TRAPPC9: variants seen among roughly 807,000 people sequenced by gnomAD.
The protein encoded by TRAPPC9 is trafficking protein particle complex subunit 9.
Under a neutral mutation model 124.0 loss-of-function variants are expected in TRAPPC9, and 83 were observed. The observed-to-expected ratio is 0.67, with a 90% CI of 0.56 to 0.80. The LOEUF (loss-of-function observed/expected upper bound fraction) is 0.80, where lower values mean the gene tolerates loss of function less well. Among genes scored for constraint, TRAPPC9 ranks in the 30% least tolerant of loss-of-function variants. TRAPPC9 has a pLI of 0.00. For missense variants in TRAPPC9, 1,302 were observed against 1,508.3 expected (o/e 0.86, Z 2.27); for synonymous variants, 638 against 617.5 (o/e 1.03, Z -0.49).
intron 20 of TRAPPC9, among the ~76,000 whole-genome samples, chr8:139,902,127 C>G (rs2131225621): frequency 6.6e-6 from 1 of 152,334 alleles, no homozygotes; most frequent in South Asian, 2.1e-4. Context: ...TGTGCACGTT[C>G]ACACACACAT....
At chr8:139,980,250 C>G (rs950843633) in intron 19 of TRAPPC9, among the ~76,000 whole-genome samples, 2 of 152,182 alleles carry the variant, frequency 1.3e-5, no homozygotes, top group Non-Finnish European at 2.9e-5. Flanking sequence ...TGTTACACCT[C>G]GGACACAGTT....
rs545264936 is a variant in TRAPPC9 at position 139,978,226 on chromosome 8, C to T, written c.2810+10500G>A. 2.0e-5 allele frequency among the ~76,000 whole-genome samples: 3 copies of T among 152,176 alleles called. No homozygotes were observed. In the East Asian group the frequency reaches 5.8e-4, roughly 30 times the overall value. On this transcript the variant is annotated intron_variant, in intron 19 of 22. Transcript: ENST00000438773. ...CAGGCACACAACCGGCAGAACCCCA[C>T]CCTGGGACCTTTTTAACGAAATGCA...
intron 21 of TRAPPC9, among the ~76,000 whole-genome samples, chr8:139,831,940 C>T (rs550633520): frequency 1.3e-4 from 20 of 152,342 alleles, no homozygotes; most frequent in African/African-American, 4.1e-4. Flanking sequence ...GTCCTGGCTA[C>T]GTTTCAGAGT....
At chr8:139,895,965 G>A (rs1422236532) in intron 20 of TRAPPC9, among the ~76,000 whole-genome samples, 2 of 152,228 alleles carry the variant, frequency 1.3e-5, no homozygotes, top group Non-Finnish European at 2.9e-5. Context: ...GATTAGTCTG[G>A]GGAGCAAGTC....
At chr8:140,117,932 A>G (rs536653300) in intron 17 of TRAPPC9, among the ~76,000 whole-genome samples, 46 of 152,364 alleles carry the variant, frequency 3.0e-4, no homozygotes, top group African/African-American at 1.1e-3. Flanking sequence ...AAAGAGCTTC[A>G]AAGACCAACA....
chr8:139,897,638 G>A (rs1325265802), intron 20 of TRAPPC9, among the ~76,000 whole-genome samples: 3 of 152,214 alleles, frequency 2.0e-5, no homozygotes, highest in Non-Finnish European at 4.4e-5. Context: ...TCAGGTTTAG[G>A]AAGCCTCCTT....
chr8:139,743,096 T>C (rs1216208081), intron 21 of TRAPPC9, among the ~76,000 whole-genome samples: 7 of 152,094 alleles, frequency 4.6e-5, no homozygotes, highest in African/African-American at 1.7e-4. Flanking sequence ...TCTTAGGTGG[T>C]TGAAGGAAAC....
At chr8:140,223,177 C>T (rs1453014469) in intron 16 of TRAPPC9, among the ~76,000 whole-genome samples, 1 of 152,126 alleles carries the variant, frequency 6.6e-6, no homozygotes, top group African/African-American at 2.4e-5. Flanking sequence ...CCCCTCACTC[C>T]ACCCCACAAC....
rs1371919784 is a variant in TRAPPC9, at chr8:140,451,006, T to G, written c.368A>C (p.Glu123Ala). 6.2e-7 allele frequency: 1 copy of G among 1,613,848 alleles called. No homozygotes were observed. Among genetic ancestry groups the G allele is most frequent in the South Asian group, 1.1e-5 (1 of 91,060 alleles). The stretch of plus-strand genomic sequence containing the variant: ...GTCGGTGCGCGGCTGCTCCACGATC[T>G]CCCCCTGCAGCCCGAAGACAAAGAG... Reference protein sequence around the residue: ...SRLFVFGLQGEIVEQPRTDVA... With the variant: ...SRLFVFGLQGAIVEQPRTDVA... Residue 123 changes from glutamate to alanine, a missense_variant, in exon 2 of 23, where the codon GAG becomes GCG. Physicochemically the swap from Glu to Ala is moderately radical, Grantham distance 107. Around this residue, in one of 3 missense-constraint regions of TRAPPC9, gnomAD observed 657 missense variants for 811.2 expected, o/e 0.81. Coordinates refer to ENST00000438773, the MANE Select transcript of TRAPPC9 (RefSeq NM_001160372.4).
intron 14 of TRAPPC9, among the ~76,000 whole-genome samples, chr8:140,282,580 T>A (rs893591424): frequency 1.4e-5 from 2 of 147,506 alleles, no homozygotes; most frequent in Non-Finnish European, 3.0e-5. Context: ...AAAAAAAAAA[T>A]TGAGACCATC....
intron 21 of TRAPPC9, among the ~76,000 whole-genome samples, chr8:139,785,478 G>A (rs1394529752): frequency 2.6e-5 from 4 of 151,878 alleles, no homozygotes; most frequent in East Asian, 1.9e-4. Flanking sequence ...CGAGTGGATC[G>A]CGTGAGGCCA....
intron 21 of TRAPPC9, among the ~76,000 whole-genome samples, chr8:139,823,137 C>G (rs149169954): frequency 6.6e-6 from 1 of 152,150 alleles, no homozygotes; most frequent in Admixed American, 6.5e-5. Flanking sequence ...CTGGGGGTTA[C>G]GGCTGCAACA....
chr8:140,062,346 C>T (rs1587622455), intron 17 of TRAPPC9, among the ~76,000 whole-genome samples: 1 of 152,192 alleles, frequency 6.6e-6, no homozygotes, highest in Non-Finnish European at 1.5e-5. Context: ...AATAAACCCA[C>T]GCTACTGAGC....
intron 19 of TRAPPC9, among the ~76,000 whole-genome samples, chr8:139,935,729 C>T (rs1238706643): frequency 6.8e-6 from 1 of 146,444 alleles, no homozygotes; most frequent in Non-Finnish European, 1.5e-5. Flanking sequence ...CGTATGAACT[C>T]GGGCAAGTCA....
intron 15 of TRAPPC9, among the ~76,000 whole-genome samples, chr8:140,263,089 G>A (rs1464945834): frequency 6.6e-6 from 1 of 152,196 alleles, no homozygotes; most frequent in Non-Finnish European, 1.5e-5. Context: ...CCCAGTGCCC[G>A]ATACGATGGC....
At chr8:140,424,855 G>T (rs551842339) in intron 5 of TRAPPC9, among the ~76,000 whole-genome samples, 11 of 152,136 alleles carry the variant, frequency 7.2e-5, no homozygotes, top group African/African-American at 2.6e-4. Flanking sequence ...TGAGGAAAGC[G>T]GGTAGGAAAA....
At chr8:140,300,288 T>C (rs962646316) in intron 11 of TRAPPC9, among the ~76,000 whole-genome samples, 181 bp downstream of exon 11, 6 of 142,292 alleles carry the variant, frequency 4.2e-5, no homozygotes, top group South Asian at 2.1e-4. Context: ...CATGCACACA[T>C]ACATATGCAT....
At chr8:140,199,077 C>G (rs557185277) in intron 17 of TRAPPC9, among the ~76,000 whole-genome samples, 15 of 152,178 alleles carry the variant, frequency 9.9e-5, no homozygotes, top group African/African-American at 3.4e-4. Flanking sequence ...CAGGAGAATT[C>G]AGAGAGAGAG....
intron 15 of TRAPPC9, among the ~76,000 whole-genome samples, chr8:140,255,093 C>T (rs2064218843): frequency 6.6e-6 from 1 of 152,230 alleles, no homozygotes; most frequent in South Asian, 2.1e-4. Flanking sequence ...GGCCAAGCTC[C>T]CTCTGGAGCA....
Sources: allele counts gnomAD v4.1 joint callset (sites outside exome capture counted in the v4.1 genomes callset), GRCh38; gene constraint gnomAD v4.1.1; regional missense constraint gnomAD v4.1.1; transcripts MANE v1.5; gene names NCBI Gene and HGNC (gene_info 2026-07-23, HGNC 2026-07-21).